The following GGA2 variants were observed in gnomAD, a reference collection of about 807,000 sequenced individuals.
The protein encoded by GGA2 is golgi associated, gamma adaptin ear containing, ARF binding protein 2.
A neutral mutation model predicts 79.5 loss-of-function variants in GGA2; 48 were observed. The observed-to-expected ratio is 0.60, with a 90% CI of 0.48 to 0.77. The LOEUF (loss-of-function observed/expected upper bound fraction) is 0.77, where lower values mean the gene tolerates loss of function less well. Among genes scored for constraint, GGA2 ranks in the 30% least tolerant of loss-of-function variants. GGA2 has a pLI of 0.00. For synonymous variants in GGA2, 317 were observed against 302.0 expected (o/e 1.05, Z -0.51); for missense variants, 770 against 774.0 (o/e 0.99, Z 0.06).
intron 8 of GGA2, among the ~76,000 whole-genome samples, 153 bp from the exon 9 acceptor site, chr16:23,483,157 TA>T (rs2097250068): frequency 6.6e-6 from 1 of 152,124 alleles, no homozygotes; most frequent in African/African-American, 2.4e-5. Context: ...AGTTTTGAAG[TA>T]ACATGACAGA....
chr16:23,475,138 G>A, intron 13 of GGA2, 77 bp from the exon 14 acceptor site: 12 of 720,694 alleles, frequency 1.7e-5, no homozygotes, highest in East Asian at 6.7e-5. Context: ...GCTTATTAAA[G>A]AACAAGGAAA....
upstream of GGA2, among the ~76,000 whole-genome samples, chr16:23,510,742 T>A (rs1965038263): frequency 6.6e-6 from 1 of 152,254 alleles, no homozygotes; most frequent in Non-Finnish European, 1.5e-5. Flanking sequence ...GGTCTTGCTC[T>A]GTCACTCAGG....
At chr16:23,520,715 C>T (rs1018425446) in intron 1 of GGA2, among the ~76,000 whole-genome samples, 12 of 150,840 alleles carry the variant, frequency 8.0e-5, no homozygotes, top group South Asian at 2.1e-4. Context: ...AGAAGACAGA[C>T]GTCTGGAGCT....
chr16:23,514,437 T>C (rs752421613), upstream of GGA2, among the ~76,000 whole-genome samples: 4 of 151,980 alleles, frequency 2.6e-5, no homozygotes, highest in Non-Finnish European at 4.4e-5. Flanking sequence ...AAATCTGTTA[T>C]GCTTTTCTCT....
At chr16:23,472,770 C>T (rs1280719803) in intron 14 of GGA2, among the ~76,000 whole-genome samples, 1 of 151,688 alleles carries the variant, frequency 6.6e-6, no homozygotes, top group Non-Finnish European at 1.5e-5. Context: ...CGCAGTGGCT[C>T]ACGCCTGTAA....
intron 8 of GGA2, among the ~76,000 whole-genome samples, chr16:23,484,206 G>A (rs538342893): frequency 8.3e-4 from 125 of 150,472 alleles, no homozygotes; most frequent in Middle Eastern, 3.4e-3. Flanking sequence ...TCAGGAGTTC[G>A]AGACCAGCCT....
At chr16:23,510,299 GA>G in intron 1 of GGA2, 21 bp downstream of exon 1, 1 of 1,401,672 alleles carries the variant, frequency 7.1e-7, no homozygotes, top group Non-Finnish European at 9.4e-7. Flanking sequence ...CGGCTGCGCC[GA>G]AGGCCTGCCA....
At chr16:23,488,081 G>T (rs954860263) in intron 6 of GGA2, among the ~76,000 whole-genome samples, 2 of 152,056 alleles carry the variant, frequency 1.3e-5, no homozygotes, top group Admixed American at 1.3e-4. Flanking sequence ...GTTCATGGTG[G>T]ATGGAAAATG....
intron 13 of GGA2, among the ~76,000 whole-genome samples, chr16:23,477,371 A>C (rs1465839798): frequency 6.6e-6 from 1 of 152,188 alleles, no homozygotes; most frequent in Non-Finnish European, 1.5e-5. Context: ...CACGGTAGTA[A>C]GTCTCATGAG....
At chr16:23,484,825 T>A (rs990766297) in intron 8 of GGA2, among the ~76,000 whole-genome samples, 1 of 152,190 alleles carries the variant, frequency 6.6e-6, no homozygotes, top group Admixed American at 6.5e-5. Flanking sequence ...ATGTTAAATA[T>A]GGAGTTACCC....
chr16:23,497,700 C>T (rs989214860), intron 1 of GGA2, among the ~76,000 whole-genome samples: 11 of 152,196 alleles, frequency 7.2e-5, no homozygotes, highest in Non-Finnish European at 1.3e-4. Flanking sequence ...TTTTTATCTC[C>T]CGTCCCCATA....
chr16:23,480,572 AG>A, intron 10 of GGA2, 72 bp downstream of exon 10: 1 of 1,309,600 alleles, frequency 7.6e-7, no homozygotes, highest in South Asian at 1.2e-5. Context: ...GAATATGTTT[AG>A]GACCCATTTC....
Position 23,475,005 on chromosome 16 carries a change from G to A in GGA2, c.1349C>T (p.Ser450Phe). 2.5e-6 allele frequency: 4 copies of A among 1,609,326 alleles called. No homozygotes were observed. The highest frequency in any genetic ancestry group is 3.4e-6 in the Non-Finnish European group (4 of 1,175,948). The change falls in exon 14 of 17, where the codon TCT becomes TTT. Residue 450 changes from serine to phenylalanine, a missense_variant. Ser to Phe is a radical substitution (Grantham distance 155). Transcript: ENST00000309859. ...PKEVPPGTKS[S>F]PGWSWEAGPL... ...GCCAGCCTCCCAGGACCAACCTGGA[G>A]AGGACTTAGTACCTGGTGGCACTTC...
chr16:23,479,799 C>T lies in GGA2; in HGVS notation c.1095G>A (p.Val365=), dbSNP rs1964624437. The part of the protein sequence containing the change: ...DNGPAQMGTV[V]PSLLHQDLAA... ...CCAGGTCCTGATGAAGCAAAGATGG[C>T]ACCACAGTCCCCATCTGCGCAGGTC... Residue 365 remains valine (V), a synonymous_variant, in exon 11 of 17, where the codon GTG becomes GTA. Coordinates refer to ENST00000309859, the MANE Select transcript of GGA2 (RefSeq NM_015044.4). The T allele has an allele frequency of 6.2e-7, 1 of 1,614,142 alleles. No homozygotes were observed. The highest frequency in any genetic ancestry group is 8.5e-7 in the Non-Finnish European group (1 of 1,179,988).
At chr16:23,491,919 TGAG>T (rs1299100350) in intron 4 of GGA2, 119 bp from the exon 5 acceptor site, 4 of 638,182 alleles carry the variant, frequency 6.3e-6, no homozygotes, top group African/African-American at 3.7e-5. Flanking sequence ...GGTATGAGTG[TGAG>T]GAGAGACTAG....
At chr16:23,522,122 G>A (rs1965149791), upstream of GGA2, 1 of 255,790 alleles carries the variant, frequency 3.9e-6, no homozygotes, top group Non-Finnish European at 8.0e-6. Flanking sequence ...TAAATTACAA[G>A]TATTATTATT....
chr16:23,487,028 C>T (rs1964723823), intron 6 of GGA2, among the ~76,000 whole-genome samples: 1 of 143,690 alleles, frequency 7.0e-6, no homozygotes, highest in Non-Finnish European at 1.5e-5. Context: ...TGTTGCCAGG[C>T]TGGAGTGCAG....
At position 23,465,046 on chromosome 16, in the gene GGA2, G is replaced by A. The variant is rs1381249936; in HGVS notation, c.*2544C>T. On this transcript the variant is annotated 3_prime_UTR_variant, in exon 17 of 17. Coordinates refer to ENST00000309859, the MANE Select transcript of GGA2 (RefSeq NM_015044.4). ...AGAGTTCAAGATACTGGAAAGCACT[G>A]GCCATGAGTGCCAGATCTCCAGCAC... The A allele has an allele frequency of 2.1e-6, 1 of 482,558 alleles. No homozygotes were observed. The highest frequency in any genetic ancestry group is 3.6e-5 in the Admixed American group (1 of 27,706). 29.9% of individuals were successfully genotyped at this position (482,558 alleles called of 1,614,324 possible).
intron 13 of GGA2, among the ~76,000 whole-genome samples, chr16:23,476,636 G>A (rs1038091770): frequency 3.9e-5 from 6 of 152,108 alleles, no homozygotes; most frequent in African/African-American, 7.2e-5. Flanking sequence ...GCTGGAGTGC[G>A]GTTTATAAAT....
Sources: gnomAD v4.1 joint callset for allele counts (sites outside exome capture counted in the v4.1 genomes callset) on GRCh38, gnomAD v4.1.1 for gene constraint, MANE v1.5 for transcripts, NCBI Gene and HGNC (gene_info 2026-07-23, HGNC 2026-07-21) for gene names.